AKT3: variants seen among roughly 807,000 people sequenced by gnomAD.
The protein encoded by AKT3 is RAC-gamma serine/threonine-protein kinase.
AKT3 carries 15 observed loss-of-function variants against 65.3 expected under a neutral mutation model. That is an observed-to-expected ratio of 0.23 (90% confidence interval 0.15 to 0.35). The LOEUF (loss-of-function observed/expected upper bound fraction) is 0.35, where lower values mean the gene tolerates loss of function less well. Among genes scored for constraint, AKT3 ranks in the 10% least tolerant of loss-of-function variants. The probability of loss-of-function intolerance (pLI) is 1.00; values close to 1 mark genes in which losing one functional copy is unlikely to be tolerated. For synonymous variants in AKT3, 206 were observed against 183.8 expected, an observed-to-expected ratio of 1.12 and a Z score of -0.98; for missense variants, 243 against 576.5, an observed-to-expected ratio of 0.42 and a Z score of 5.92.
chr1:243,599,047 G>A (rs1482757815), intron 8 of AKT3, among the ~76,000 whole-genome samples: 1 of 151,974 alleles, frequency 6.6e-6, no homozygotes, highest in Non-Finnish European at 1.5e-5. Flanking sequence ...TGATTTCATG[G>A]GTCAAAAGTT....
At position 243,783,175 on chromosome 1, in the gene AKT3, G is replaced by GATCA. The variant is rs55930574; in HGVS notation, c.46+59949_46+59950insTGAT. ...AACTGGTGAGTGGGGTCCCTAGATC[G>GATCA]GTTCAGGATAATGGCCAGTGACTAG... On this transcript the variant is annotated intron_variant, in intron 2 of 13. Coordinates refer to ENST00000673466, the MANE Select transcript of AKT3 (RefSeq NM_005465.7). Among the ~76,000 whole-genome samples, 9 of 151,892 alleles carry GATCA rather than the reference G, an allele frequency of 5.9e-5. No individual in the cohort carries two copies. The East Asian group carries it at 9.7e-4, about 16-fold the overall frequency.
At chr1:243,795,670 A>G (rs1251749743) in intron 2 of AKT3, among the ~76,000 whole-genome samples, 1 of 149,820 alleles carries the variant, frequency 6.7e-6, no homozygotes, top group African/African-American at 2.5e-5. Flanking sequence ...ACGGGGTTTC[A>G]CCGTTTTAGC....
chr1:243,511,138 T>A (rs1351530198), intron 13 of AKT3, among the ~76,000 whole-genome samples: 1 of 152,258 alleles, frequency 6.6e-6, no homozygotes. Context: ...CTCACTTCAA[T>A]GGATTGGTAT....
chr1:243,697,667 C>T (rs1411034316), intron 2 of AKT3, among the ~76,000 whole-genome samples: 1 of 152,060 alleles, frequency 6.6e-6, no homozygotes, highest in Non-Finnish European at 1.5e-5. Flanking sequence ...AATGTTGACA[C>T]ATTTCATTAT....
At chr1:243,718,643 A>AT (rs5782266) in intron 2 of AKT3, among the ~76,000 whole-genome samples, 74,616 of 147,296 alleles carry the variant, frequency 0.51, 22,550 homozygotes, top group Non-Finnish European at 0.67. Context: ...TCTTTTTTGT[A>AT]TTTTTTTTTT....
At chr1:243,787,743 C>G (rs919239996) in intron 2 of AKT3, among the ~76,000 whole-genome samples, 2 of 152,170 alleles carry the variant, frequency 1.3e-5, no homozygotes, top group African/African-American at 4.8e-5. Flanking sequence ...CAATTTGCCT[C>G]AGGTTTCTAT....
chr1:243,804,063 C>A (rs1692563265), intron 2 of AKT3, among the ~76,000 whole-genome samples: 1 of 152,194 alleles, frequency 6.6e-6, no homozygotes, highest in South Asian at 2.1e-4. Flanking sequence ...ACATCATCAT[C>A]AGGGTTCTAG....
intron 8 of AKT3, among the ~76,000 whole-genome samples, chr1:243,591,235 G>A (rs1213933899): frequency 1.3e-5 from 2 of 152,122 alleles, no homozygotes; most frequent in Admixed American, 1.3e-4. Context: ...CAATCACCAG[G>A]CTAACAGAAA....
chr1:243,623,746 C>CA (rs1678937019), intron 6 of AKT3, among the ~76,000 whole-genome samples: 1 of 152,180 alleles, frequency 6.6e-6, no homozygotes, highest in Non-Finnish European at 1.5e-5. Flanking sequence ...ACGTTACCAG[C>CA]ATCCCAAGGT....
At chr1:243,739,401 G>A (rs1202668291) in intron 2 of AKT3, 4 of 152,086 alleles carry the variant, frequency 2.6e-5, no homozygotes, top group Non-Finnish European at 1.5e-5. Flanking sequence ...AATAACTTAT[G>A]TGAAATGTAG....
intron 1 of AKT3, among the ~76,000 whole-genome samples, chr1:243,849,654 G>A (rs937323998): frequency 4.6e-5 from 7 of 151,706 alleles, no homozygotes; most frequent in South Asian, 2.1e-4. Context: ...GCCCGGGCGG[G>A]GAGGGGCGAG....
chr1:243,722,065 T>A (rs1686945475), intron 2 of AKT3, among the ~76,000 whole-genome samples: 1 of 152,180 alleles, frequency 6.6e-6, no homozygotes, highest in Admixed American at 6.5e-5. Context: ...ATTTTGGCTA[T>A]GAATACATTT....
intron 6 of AKT3, among the ~76,000 whole-genome samples, chr1:243,622,268 G>T (rs560118099): frequency 6.6e-6 from 1 of 152,282 alleles, no homozygotes; most frequent in East Asian, 1.9e-4. Context: ...CTTGCTTCCT[G>T]ATCTCCTTCA....
At chr1:243,784,370 G>A (rs1221571641) in intron 2 of AKT3, among the ~76,000 whole-genome samples, 1 of 151,532 alleles carries the variant, frequency 6.6e-6, no homozygotes, top group East Asian at 1.9e-4. Context: ...AAACCCAGGG[G>A]TCAATCCAGG....
chr1:243,505,942 G>A (rs1200348380), intron 13 of AKT3, among the ~76,000 whole-genome samples: 4 of 152,332 alleles, frequency 2.6e-5, no homozygotes, highest in African/African-American at 9.6e-5. Context: ...GGAAACAATG[G>A]AAGAGACTTG....
intron 2 of AKT3, among the ~76,000 whole-genome samples, chr1:243,809,779 G>C (rs969774839): frequency 1.1e-4 from 17 of 152,250 alleles, no homozygotes; most frequent in Middle Eastern, 6.8e-3. Context: ...CCACATACTT[G>C]GAAGTAAAGC....
chr1:243,542,938 A>T (rs535678351), intron 12 of AKT3, among the ~76,000 whole-genome samples: 1 of 152,202 alleles, frequency 6.6e-6, no homozygotes, highest in African/African-American at 2.4e-5. Flanking sequence ...AAGCCTGTAG[A>T]TGGCACCAAT....
chr1:243,491,632 T>C (rs190816682), intron 13 of AKT3, among the ~76,000 whole-genome samples: 7 of 152,348 alleles, frequency 4.6e-5, no homozygotes, highest in Non-Finnish European at 4.4e-5. Flanking sequence ...CTTCAGCCTC[T>C]GCGATGCCTT....
intron 2 of AKT3, among the ~76,000 whole-genome samples, chr1:243,749,907 C>T (rs1197651237): frequency 6.6e-6 from 1 of 152,270 alleles, no homozygotes; most frequent in East Asian, 1.9e-4. Flanking sequence ...TCTTTACAGG[C>T]CTTGTTGTCC....
Sources: gnomAD v4.1 joint callset for allele counts (sites outside exome capture counted in the v4.1 genomes callset) on GRCh38, gnomAD v4.1.1 for gene constraint, MANE v1.5 for transcripts, NCBI Gene and HGNC (gene_info 2026-07-23, HGNC 2026-07-21) for gene names.